Variants in DCC observed in about 807,000 individuals in gnomAD.
DCC encodes DCC netrin 1 receptor, also known as netrin receptor DCC.
In DCC, 58 loss-of-function variants were observed where a neutral mutation model predicts 172.5. The ratio of observed to expected loss-of-function variants is 0.34; its 90% CI spans 0.27 to 0.42. The LOEUF is 0.42. Ranked by LOEUF, DCC falls within the 10% of genes least tolerant of loss-of-function variation. The probability of loss-of-function intolerance (pLI) is 1.00; values close to 1 mark genes in which losing one functional copy is unlikely to be tolerated. For synonymous variants in DCC, 709 were observed against 644.5 expected (o/e 1.10, Z -1.52); for missense variants, 1,740 against 1,791.0 (o/e 0.97, Z 0.51).
chr18:53,475,842 C>T (rs1382916885), intron 25 of DCC, among the ~76,000 whole-genome samples: 1 of 152,156 alleles, frequency 6.6e-6, no homozygotes, highest in South Asian at 2.1e-4. Flanking sequence ...TTGCACTGTG[C>T]ACCTGGAAGA....
In DCC at chr18:53,240,489, T is replaced by C. The variant is rs187453080; in HGVS notation, c.1911+24892T>C. 1.4e-4 allele frequency among the ~76,000 whole-genome samples: 22 copies of C among 152,290 alleles called. No homozygotes were observed. The East Asian group carries it at 3.7e-3, about 25-fold the overall frequency. On this transcript the variant is annotated intron_variant, in intron 12 of 28. Coordinates refer to ENST00000442544, the MANE Select transcript of DCC (RefSeq NM_005215.4). Reference sequence around the variant, plus strand: ...GGAAGGATCAGAAGGAGCTGTCCCCTGTTATCCAGGTAGGAATATTTGTAG... The same window carrying C: ...GGAAGGATCAGAAGGAGCTGTCCCCCGTTATCCAGGTAGGAATATTTGTAG...
At chr18:52,658,188 G>T (rs996069575) in intron 1 of DCC, among the ~76,000 whole-genome samples, 1 of 152,148 alleles carries the variant, frequency 6.6e-6, no homozygotes, top group Non-Finnish European at 1.5e-5. Flanking sequence ...CATATTTATG[G>T]GTGAGGTGGG....
At chr18:52,969,584 ACTCTCTCTCTCTCT>A (rs56024197) in intron 5 of DCC, among the ~76,000 whole-genome samples, 1,824 of 119,538 alleles carry the variant, frequency 0.015, 46 homozygotes, top group African/African-American at 0.052. Context: ...CCCGCCCCCC[ACTCTCTCTCTCTCT>A]CTCTCTCTCT....
At chr18:52,915,103 A>G (rs1445067306) in intron 3 of DCC, among the ~76,000 whole-genome samples, 3 of 152,156 alleles carry the variant, frequency 2.0e-5, no homozygotes, top group African/African-American at 7.2e-5. Flanking sequence ...TTTTCTTGCC[A>G]ACGCAGATGT....
chr18:52,421,806 TG>T (rs760731859), intron 1 of DCC, among the ~76,000 whole-genome samples: 11 of 152,154 alleles, frequency 7.2e-5, no homozygotes, highest in Admixed American at 2.0e-4. Context: ...GTTATTTGTT[TG>T]GTTTGTTTTG....
intron 9 of DCC, among the ~76,000 whole-genome samples, chr18:53,196,311 C>T (rs1300014617): frequency 1.3e-5 from 2 of 152,146 alleles, no homozygotes; most frequent in Non-Finnish European, 2.9e-5. Flanking sequence ...CCAGAATCTT[C>T]GTTGTTCACT....
chr18:52,999,915 C>T (rs2041538113), intron 5 of DCC, among the ~76,000 whole-genome samples: 2 of 151,868 alleles, frequency 1.3e-5, no homozygotes, highest in African/African-American at 4.8e-5. Flanking sequence ...GCCTTTAATA[C>T]TGGTGTCTTT....
At chr18:52,847,708 T>TC (rs2038917110) in intron 2 of DCC, among the ~76,000 whole-genome samples, 1 of 152,148 alleles carries the variant, frequency 6.6e-6, no homozygotes, top group African/African-American at 2.4e-5. Flanking sequence ...CCTCTGACTA[T>TC]TAGTTTCCTG....
intron 2 of DCC, among the ~76,000 whole-genome samples, chr18:52,899,017 A>T (rs910129847): frequency 2.6e-5 from 4 of 152,182 alleles, no homozygotes; most frequent in African/African-American, 9.7e-5. Flanking sequence ...ATTTTCACAA[A>T]TGCCTTATGG....
intron 1 of DCC, among the ~76,000 whole-genome samples, chr18:52,640,852 T>A (rs1013327093): frequency 5.3e-5 from 8 of 152,052 alleles, no homozygotes; most frequent in African/African-American, 1.9e-4. Flanking sequence ...CTTCATAGAA[T>A]TAGAAAAAAC....
chr18:52,966,203 G>A (rs1048248642), intron 5 of DCC, among the ~76,000 whole-genome samples: 2 of 152,138 alleles, frequency 1.3e-5, no homozygotes, highest in Non-Finnish European at 2.9e-5. Flanking sequence ...TGTTTGAGCA[G>A]GGGGTTATGG....
At chr18:52,873,447 G>T (rs1949415647) in intron 2 of DCC, among the ~76,000 whole-genome samples, 1 of 152,120 alleles carries the variant, frequency 6.6e-6, no homozygotes, top group Admixed American at 6.5e-5. Context: ...GACTGTTATT[G>T]GCTATTCCAT....
intron 12 of DCC, among the ~76,000 whole-genome samples, chr18:53,254,482 G>A (rs1425953312): frequency 1.3e-5 from 2 of 151,820 alleles, no homozygotes; most frequent in Non-Finnish European, 2.9e-5. Flanking sequence ...GCAAATTCAG[G>A]GCCCACTTCA....
intron 1 of DCC, among the ~76,000 whole-genome samples, chr18:52,583,478 C>T (rs1210116858): frequency 1.3e-5 from 2 of 152,124 alleles, no homozygotes; most frequent in East Asian, 3.8e-4. Flanking sequence ...AAGAGTTATA[C>T]AAATTTAGAA....
At chr18:53,284,489 G>A (rs147573366) in intron 12 of DCC, among the ~76,000 whole-genome samples, 12 of 152,270 alleles carry the variant, frequency 7.9e-5, no homozygotes, top group African/African-American at 2.6e-4. Flanking sequence ...CTGCCACCAT[G>A]TGAGACGTGC....
intron 14 of DCC, among the ~76,000 whole-genome samples, chr18:53,330,914 A>G (rs1457802157): frequency 1.3e-5 from 2 of 152,174 alleles, no homozygotes; most frequent in Non-Finnish European, 2.9e-5. Flanking sequence ...GAACTTCTCG[A>G]TATTTCACAC....
At chr18:52,997,327 C>T (rs1469050610) in intron 5 of DCC, among the ~76,000 whole-genome samples, 1 of 152,026 alleles carries the variant, frequency 6.6e-6, no homozygotes, top group African/African-American at 2.4e-5. Context: ...TTTTGGACTT[C>T]TAAATATGTG....
chr18:52,774,235 C>T (rs2037389779), intron 2 of DCC, among the ~76,000 whole-genome samples: 1 of 152,170 alleles, frequency 6.6e-6, no homozygotes, highest in African/African-American at 2.4e-5. Flanking sequence ...CCCAAACAAT[C>T]CATGTTTTAA....
rs116396011 is a variant in DCC, at chr18:52,964,636, C to G, written c.985+39266C>G. Reference sequence around the variant, plus strand: ...CAGGATCTGAAATCACCAGAGATTTCTTAAATGTTTAGGTCATTCCAGAAG... The same window carrying G: ...CAGGATCTGAAATCACCAGAGATTTGTTAAATGTTTAGGTCATTCCAGAAG... On this transcript the variant is annotated intron_variant, in intron 5 of 28. Coordinates refer to ENST00000442544, the MANE Select transcript of DCC (RefSeq NM_005215.4). 5.7e-3 allele frequency among the ~76,000 whole-genome samples: 861 copies of G among 152,216 alleles called. 9 individuals are homozygous for G. The highest frequency in any genetic ancestry group is 0.019 in the African/African-American group (789 of 41,542).
Sources: gnomAD v4.1 joint callset for allele counts (sites outside exome capture counted in the v4.1 genomes callset) on GRCh38, gnomAD v4.1.1 for gene constraint, MANE v1.5 for transcripts, NCBI Gene and HGNC (gene_info 2026-07-23, HGNC 2026-07-21) for gene names.